WASHC2C: variants seen among roughly 807,000 people sequenced by gnomAD.
The protein encoded by WASHC2C is Vaccinia Penetration Factor.
Under a neutral mutation model 142.2 loss-of-function variants are expected in WASHC2C, and 73 were observed. The ratio of observed to expected loss-of-function variants is 0.51; its 90% CI spans 0.43 to 0.62. The LOEUF is 0.62. WASHC2C is among the 20% of genes least tolerant of loss of function. WASHC2C has a pLI of 0.00. For synonymous variants in WASHC2C, 337 were observed against 565.5 expected, an observed-to-expected ratio of 0.60 and a Z score of 5.73; for missense variants, 969 against 1,531.7, an observed-to-expected ratio of 0.63 and a Z score of 6.13.
intron 17 of WASHC2C, among the ~76,000 whole-genome samples, chr10:45,762,762 C>T (rs543138265): frequency 6.6e-6 from 1 of 152,070 alleles, no homozygotes; most frequent in South Asian, 2.1e-4. Context: ...AAAAATTAGC[C>T]GGGCGTGGTG....
At chr10:45,749,193 G>A (rs189581464) in intron 8 of WASHC2C, among the ~76,000 whole-genome samples, 8,012 of 151,636 alleles carry the variant, frequency 0.053, 274 homozygotes, top group African/African-American at 0.1. Context: ...CCAGCGCTTT[G>A]GGAAGCTGAG....
Position 45,755,119 on chromosome 10 carries a change from T to C in WASHC2C, c.1420+4T>C, listed in dbSNP as rs1554876784. 1 of 1,602,880 alleles carries C rather than the reference T, an allele frequency of 6.2e-7. No homozygotes were observed. Among genetic ancestry groups the C allele is most frequent in the South Asian group, 1.1e-5 (1 of 90,314 alleles). On this transcript the variant is annotated splice_donor_region_variant and intron_variant, in intron 15 of 30. Transcript: ENST00000623400. ...CACAGCAAACCTTCTAAAACACGTA[T>C]GTGTTCCTGCCTCCGTTTCTAGGAC...
chr10:45,736,934 A>G lies in WASHC2C; in HGVS notation c.292-1049A>G, dbSNP rs537571458. Among the ~76,000 whole-genome samples the G allele has an allele frequency of 5.9e-5, 9 of 152,240 alleles. No individual in the cohort carries two copies. The South Asian group carries it at 8.3e-4, about 14-fold the overall frequency. On this transcript the variant is annotated intron_variant, in intron 3 of 30. Coordinates refer to ENST00000623400, the MANE Select transcript of WASHC2C (RefSeq NM_001330074.2). Reference sequence around the variant, plus strand: ...AATGCCAGAAGATTTTCATCAGTTCATTTATATTGACTTCTTATTTCTTTC... The same window carrying G: ...AATGCCAGAAGATTTTCATCAGTTCGTTTATATTGACTTCTTATTTCTTTC...
At chr10:45,752,937 T>G (rs2053791706) in intron 12 of WASHC2C, among the ~76,000 whole-genome samples, 1 of 110,808 alleles carries the variant, frequency 9.0e-6, no homozygotes, top group African/African-American at 4.0e-5. Context: ...TGTGAATAAT[T>G]TACTAGGTGA....
intron 8 of WASHC2C, among the ~76,000 whole-genome samples, chr10:45,749,867 A>T (rs1441262642): frequency 1.8e-5 from 2 of 108,120 alleles, no homozygotes; most frequent in South Asian, 3.4e-4. Context: ...TTATATATAT[A>T]TATATTTATA....
chr10:45,772,682 C>G (rs1196907708), intron 20 of WASHC2C, among the ~76,000 whole-genome samples: 2 of 152,046 alleles, frequency 1.3e-5, no homozygotes, highest in South Asian at 2.1e-4. Flanking sequence ...TGCCATTGCT[C>G]TCCAGCCTGG....
intron 29 of WASHC2C, 116 bp downstream of exon 29, chr10:45,789,607 C>T (rs2058275357): frequency 6.7e-7 from 1 of 1,492,298 alleles, no homozygotes; most frequent in Non-Finnish European, 9.1e-7. Context: ...TAGCCACTTG[C>T]TTAGTAATTA....
intron 8 of WASHC2C, among the ~76,000 whole-genome samples, chr10:45,747,437 C>T (rs2052976366): frequency 6.6e-6 from 1 of 152,132 alleles, no homozygotes; most frequent in Non-Finnish European, 1.5e-5. Context: ...AGCCACCATG[C>T]CTGGCCTCCT....
chr10:45,772,519 C>G (rs1309941451), intron 20 of WASHC2C, among the ~76,000 whole-genome samples: 3 of 150,990 alleles, frequency 2.0e-5, no homozygotes, highest in Admixed American at 2.0e-4. Context: ...TGTTTGAGAC[C>G]AGCCTGAGCA....
intron 26 of WASHC2C, 146 bp downstream of exon 26, chr10:45,785,777 C>G: frequency 7.0e-7 from 1 of 1,423,746 alleles, no homozygotes; most frequent in Non-Finnish European, 9.7e-7. Context: ...CACTGCACTT[C>G]CCCCGAGTCA....
chr10:45,768,636 C>T (rs1228137088), intron 19 of WASHC2C, among the ~76,000 whole-genome samples: 1 of 152,186 alleles, frequency 6.6e-6, no homozygotes, highest in Non-Finnish European at 1.5e-5. Flanking sequence ...TAAATGCTTT[C>T]TAAAGGCCAC....
In WASHC2C at chr10:45,743,427, G is replaced by T. The variant is rs1554869407; in HGVS notation, c.566G>T (p.Gly189Val). Residue 189 changes from glycine to valine, a missense_variant, in exon 6 of 31, where the codon GGG (glycine) becomes GTG (valine). Physicochemically the swap from Gly to Val is moderately radical, Grantham distance 109 (BLOSUM62 -3). Coordinates refer to ENST00000623400, the MANE Select transcript of WASHC2C (RefSeq NM_001330074.2). ...YIDRPLPYLIGSKLFMEQEDV... is the reference protein window; with the variant it reads ...YIDRPLPYLIVSKLFMEQEDV... ...GATCGTCCTTTACCATATCTCATTGGGTCAAAGCTGTTCATGGAACAAGAA... is the reference window on the plus strand; with the variant it reads ...GATCGTCCTTTACCATATCTCATTGTGTCAAAGCTGTTCATGGAACAAGAA... The T allele has an allele frequency of 1.1e-5, 17 of 1,611,806 alleles. No homozygotes were observed. Among genetic ancestry groups the T allele is most frequent in the Non-Finnish European group, 1.4e-5 (17 of 1,179,818 alleles).
In WASHC2C at chr10:45,757,146, A is replaced by G. The variant is rs781929987; in HGVS notation, c.1548+7A>G. On this transcript the variant is annotated splice_region_variant and intron_variant, in intron 16 of 30. Transcript: ENST00000623400. ...AGCAAGAGCAGAAAAAAAGGTGAGC[A>G]GGAGGGAAGACTTAACGCAGGAGCA... 15 of 1,610,388 alleles carry G rather than the reference A, an allele frequency of 9.3e-6. No individual in the cohort carries two copies. The highest frequency in any genetic ancestry group is 1.3e-5 in the Non-Finnish European group (15 of 1,179,392).
chr10:45,746,474 C>T, intron 7 of WASHC2C, 126 bp from the exon 8 acceptor site: 1 of 1,137,396 alleles, frequency 8.8e-7, no homozygotes, highest in Middle Eastern at 1.9e-4. Context: ...TACAAAGAGA[C>T]TGAGTGTCAG....
At chr10:45,755,838 C>T (rs2054211434) in intron 15 of WASHC2C, among the ~76,000 whole-genome samples, 1 of 151,832 alleles carries the variant, frequency 6.6e-6, no homozygotes, top group Non-Finnish European at 1.5e-5. Context: ...CTAAGGTGCA[C>T]ATGATTTTCA....
intron 23 of WASHC2C, among the ~76,000 whole-genome samples, chr10:45,783,650 G>A (rs7906436): frequency 0.12 from 18,923 of 151,842 alleles, 1,086 homozygotes; most frequent in Middle Eastern, 0.2. Context: ...TAGTAGAGGT[G>A]GGGTTTCACC....
intron 3 of WASHC2C, among the ~76,000 whole-genome samples, chr10:45,733,884 G>A (rs1382882516): frequency 6.6e-6 from 1 of 152,132 alleles, no homozygotes; most frequent in African/African-American, 2.4e-5. Context: ...TCAACGTTTA[G>A]CACATATATT....
chr10:45,739,278 G>T (rs1354141591), intron 4 of WASHC2C, among the ~76,000 whole-genome samples: 1 of 149,332 alleles, frequency 6.7e-6, no homozygotes, highest in Non-Finnish European at 1.5e-5. Flanking sequence ...AGACTAAAAT[G>T]CTCGTAGGGT....
chr10:45,784,802 T>G lies in WASHC2C; in HGVS notation c.2608-19T>G, dbSNP rs1554889353. ...TTGTTTTGCTTTTGGATATTGAACTTGGGTCTTGTTTATTCTAGCTGTTAG... is the reference window on the plus strand; with the variant it reads ...TTGTTTTGCTTTTGGATATTGAACTGGGGTCTTGTTTATTCTAGCTGTTAG... On this transcript the variant is annotated intron_variant, in intron 24 of 30. Transcript: ENST00000623400. 6.2e-7 allele frequency: 1 copy of G among 1,601,240 alleles called. No homozygotes were observed. The highest frequency in any genetic ancestry group is 1.4e-5 in the African/African-American group (1 of 73,804).
Sources: gnomAD v4.1 joint callset for allele counts (sites outside exome capture counted in the v4.1 genomes callset) on GRCh38, gnomAD v4.1.1 for gene constraint, MANE v1.5 for transcripts, NCBI Gene and HGNC (gene_info 2026-07-23, HGNC 2026-07-21) for gene names.